The following LIPA variants were observed in gnomAD, a reference collection of about 807,000 sequenced individuals.
LIPA encodes the protein lysosomal acid lipase/cholesteryl ester hydrolase.
LIPA carries 26 observed loss-of-function variants against 40.6 expected under a neutral mutation model. The observed-to-expected ratio is 0.64, with a 90% CI of 0.47 to 0.89. LIPA has a LOEUF of 0.89. LIPA is among the 40% of genes least tolerant of loss of function. The pLI, the probability that LIPA is intolerant of heterozygous loss-of-function variation, is 0.00. For synonymous variants in LIPA, 188 were observed against 168.4 expected (o/e 1.12, Z -0.90); for missense variants, 455 against 479.6 (o/e 0.95, Z 0.48).
chr10:89,298,863 G>A (rs190742101), intron 1 of LIPA, among the ~76,000 whole-genome samples: 1 of 152,072 alleles, frequency 6.6e-6, no homozygotes, highest in East Asian at 1.9e-4. Context: ...GTACATGCCT[G>A]TAATCCCAGC....
chr10:89,352,178 C>A (rs1843962797), intron 2 of LIPA, among the ~76,000 whole-genome samples: 1 of 152,132 alleles, frequency 6.6e-6, no homozygotes, highest in South Asian at 2.1e-4. Flanking sequence ...TGCTCGACTC[C>A]CCCTCCCTCT....
intron 2 of LIPA, among the ~76,000 whole-genome samples, chr10:89,402,041 C>G (rs1047257833): frequency 1.3e-5 from 2 of 152,196 alleles, no homozygotes; most frequent in Non-Finnish European, 2.9e-5. Context: ...TATCTCCATT[C>G]TACAAATAGG....
At chr10:89,261,569 A>T (rs1046313060) in intron 1 of LIPA, among the ~76,000 whole-genome samples, 2 of 152,208 alleles carry the variant, frequency 1.3e-5, no homozygotes, top group Non-Finnish European at 2.9e-5. Flanking sequence ...ATAAAAATAT[A>T]TAATCCTGGC....
chr10:89,307,148 G>T (rs1464310553), intron 1 of LIPA: 1 of 1,613,532 alleles, frequency 6.2e-7, no homozygotes. Flanking sequence ...CTTTATAGAG[G>T]GTGTAAAAAT....
At chr10:89,380,724 C>G (rs1034357149) in intron 2 of LIPA, among the ~76,000 whole-genome samples, 1 of 152,192 alleles carries the variant, frequency 6.6e-6, no homozygotes, top group Non-Finnish European at 1.5e-5. Flanking sequence ...TTAGCCACCA[C>G]GCTGGGGCCT....
At chr10:89,225,305 C>T in intron 5 of LIPA, 77 bp from the exon 6 acceptor site, 1 of 1,569,570 alleles carries the variant, frequency 6.4e-7, no homozygotes, top group Admixed American at 1.7e-5. Flanking sequence ...GGCCGTCACT[C>T]GCGACGCCCT....
chr10:89,386,946 AGTGTGTGTGT>A (rs756939371), intron 2 of LIPA, among the ~76,000 whole-genome samples: 2 of 125,872 alleles, frequency 1.6e-5, no homozygotes, highest in African/African-American at 5.7e-5. Flanking sequence ...TGGGTATATG[AGTGTGTGTGT>A]GTGTGTGTGT....
chr10:89,333,069 C>G (rs1407912280), intron 1 of LIPA, among the ~76,000 whole-genome samples: 1 of 152,194 alleles, frequency 6.6e-6, no homozygotes, highest in Admixed American at 6.5e-5. Flanking sequence ...ATAATTAATT[C>G]AGCACTGCAA....
At chr10:89,318,321 C>T (rs1200926404) in intron 1 of LIPA, among the ~76,000 whole-genome samples, 1 of 152,096 alleles carries the variant, frequency 6.6e-6, no homozygotes, top group Non-Finnish European at 1.5e-5. Context: ...TCAGGAGAGC[C>T]ATCTCATGGC....
chr10:89,240,198 T>C (rs995111810), intron 3 of LIPA, among the ~76,000 whole-genome samples: 1 of 152,200 alleles, frequency 6.6e-6, no homozygotes, highest in African/African-American at 2.4e-5. Flanking sequence ...CAAATGCATC[T>C]TCCTCCTGTC....
chr10:89,247,003 T>C (rs1241841798), intron 2 of LIPA, among the ~76,000 whole-genome samples: 1 of 152,170 alleles, frequency 6.6e-6, no homozygotes, highest in Non-Finnish European at 1.5e-5. Context: ...TTAAGAAGTA[T>C]ATATAACATT....
chr10:89,397,541 C>T (rs1589635489), intron 2 of LIPA, among the ~76,000 whole-genome samples: 1 of 151,996 alleles, frequency 6.6e-6, no homozygotes, highest in Non-Finnish European at 1.5e-5. Flanking sequence ...AGGCTTAGGG[C>T]ATCTTTTTTC....
intron 8 of LIPA, among the ~76,000 whole-genome samples, chr10:89,217,905 T>C (rs1842648114): frequency 6.6e-6 from 1 of 152,194 alleles, no homozygotes; most frequent in South Asian, 2.1e-4. Context: ...AATAGATATT[T>C]GGGTAAATAT....
chr10:89,223,606 C>T (rs1335737405), intron 7 of LIPA, 78 bp downstream of exon 7: 3 of 1,186,130 alleles, frequency 2.5e-6, no homozygotes, highest in Non-Finnish European at 3.8e-6. Flanking sequence ...TCATTCCCAC[C>T]TCTCCCATAT....
intron 2 of LIPA, chr10:89,412,740 C>T (rs1841483641): frequency 2.3e-6 from 1 of 439,076 alleles, no homozygotes; most frequent in South Asian, 1.6e-5. Context: ...GTAACACTCA[C>T]TGTGAAGGTC....
chr10:89,252,872 T>G (rs1457915217), upstream of LIPA, among the ~76,000 whole-genome samples: 1 of 151,330 alleles, frequency 6.6e-6, no homozygotes, highest in Non-Finnish European at 1.5e-5. Context: ...AGGACTCTTA[T>G]GAAGTGACAC....
intron 2 of LIPA, among the ~76,000 whole-genome samples, chr10:89,247,155 G>C (rs1387707091): frequency 2.0e-5 from 3 of 151,960 alleles, no homozygotes; most frequent in African/African-American, 7.3e-5. Context: ...CAGATCACCT[G>C]AGCTCAGGAG....
At chr10:89,311,542 A>T (rs1843515797) in intron 1 of LIPA, among the ~76,000 whole-genome samples, 1 of 151,712 alleles carries the variant, frequency 6.6e-6, no homozygotes, top group Middle Eastern at 3.4e-3. Context: ...AAAAAAAAAA[A>T]AAACCCTCAA....
At chr10:89,361,523 T>G (rs1321800295) in intron 2 of LIPA, among the ~76,000 whole-genome samples, 1 of 152,232 alleles carries the variant, frequency 6.6e-6, no homozygotes, top group East Asian at 1.9e-4. Context: ...ATTGCTTTTT[T>G]GATGCATGTC....
Sources: allele counts gnomAD v4.1 joint callset (sites outside exome capture counted in the v4.1 genomes callset), GRCh38; gene constraint gnomAD v4.1.1; transcripts MANE v1.5; gene names NCBI Gene and HGNC (gene_info 2026-07-23, HGNC 2026-07-21).